The following TOB2 variants were observed in gnomAD, a reference collection of about 807,000 sequenced individuals.
The protein encoded by TOB2 is protein Tob2.
In TOB2, 3 loss-of-function variants were observed where a neutral mutation model predicts 17.3. That is an observed-to-expected ratio of 0.17 (90% confidence interval 0.08 to 0.45). The LOEUF (loss-of-function observed/expected upper bound fraction) is 0.45, where lower values mean the gene tolerates loss of function less well. Ranked by LOEUF, TOB2 falls within the 20% of genes least tolerant of loss-of-function variation. The pLI is 0.99. For missense variants in TOB2, 407 were observed against 445.7 expected, an observed-to-expected ratio of 0.91 and a Z score of 0.78; for synonymous variants, 163 against 185.6, an observed-to-expected ratio of 0.88 and a Z score of 0.99.
Position 41,437,159 on chromosome 22 carries a change from T to G in TOB2, c.187A>C (p.Met63Leu). 1 of 1,614,088 alleles carries G rather than the reference T, an allele frequency of 6.2e-7. No homozygotes were observed. Among genetic ancestry groups the G allele is most frequent in the Non-Finnish European group, 8.5e-7 (1 of 1,180,020 alleles). ...GCCAGCTCCACCACGGGGTCCACCA[T>G]CTCCCCAATGTGAACACAGCGGAAG... ...SGFRCVHIGEMVDPVVELAAK... is the reference protein window; with the variant it reads ...SGFRCVHIGELVDPVVELAAK... The change falls in exon 2 of 2, where the codon ATG (methionine) becomes CTG (leucine). Residue 63 changes from methionine (M) to leucine (L), a missense_variant. Transcript: ENST00000327492.
chr22:41,437,948 CAAAAAAAAAAAAAAA>C (rs35151486), intron 1 of TOB2, among the ~76,000 whole-genome samples: 2 of 44,478 alleles, frequency 4.5e-5, no homozygotes, highest in Admixed American at 9.5e-4. Flanking sequence ...GACTCCATCT[CAAAAAAAAAAAAAAA>C]AAAAAAAAAA....
rs921483808 is a variant in TOB2, at chr22:41,444,494, C to T, written c.-63+1885G>A. Among the ~76,000 whole-genome samples the T allele has an allele frequency of 2.6e-5, 4 of 152,356 alleles. No homozygotes were observed. The South Asian group carries it at 6.2e-4, about 24-fold the overall frequency. On this transcript the variant is annotated intron_variant, in intron 1 of 1. Transcript: ENST00000327492. ...GGGAATTGTAGTCCTCAAACACCTC[C>T]GGACCAGGCGATAGCAGGAGTGACC...
chr22:41,443,188 G>T (rs559787262), intron 1 of TOB2, among the ~76,000 whole-genome samples: 1 of 152,310 alleles, frequency 6.6e-6, no homozygotes, highest in African/African-American at 2.4e-5. Context: ...AAGAAGTGGG[G>T]CGTGAAGCTC....
rs2037523179 is a variant in TOB2 at position 41,434,427 on chromosome 22, C to A, written c.*1884G>T. The A allele has an allele frequency of 6.5e-6, 1 of 153,068 alleles. No individual in the cohort carries two copies. Among genetic ancestry groups the A allele is most frequent in the Non-Finnish European group, 1.5e-5 (1 of 68,460 alleles). 9.5% of individuals were successfully genotyped at this position (153,068 alleles called of 1,614,324 possible). ...GAGAGAAGCTATCTGCTGGGTCTGT[C>A]ACCTGTGTGGGAGCCGAGGATGAGG... On this transcript the variant is annotated 3_prime_UTR_variant, in exon 2 of 2. Coordinates refer to ENST00000327492, the MANE Select transcript of TOB2 (RefSeq NM_016272.4).
At chr22:41,441,035 A>G (rs1220612051) in intron 1 of TOB2, among the ~76,000 whole-genome samples, 1 of 152,128 alleles carries the variant, frequency 6.6e-6, no homozygotes, top group African/African-American at 2.4e-5. Context: ...AGGATAGTAG[A>G]GGCCGGGCAC....
intron 1 of TOB2, among the ~76,000 whole-genome samples, chr22:41,439,138 C>G (rs1307730470): frequency 1.3e-5 from 2 of 152,154 alleles, no homozygotes; most frequent in Non-Finnish European, 2.9e-5. Context: ...AAAAGGGCAG[C>G]TCCGGGGCTC....
rs756177927 is a variant in TOB2, at chr22:41,437,167, A to G, written c.179T>C (p.Ile60Thr). 8 of 1,614,008 alleles carry G rather than the reference A, an allele frequency of 5.0e-6. No individual in the cohort carries two copies. Among genetic ancestry groups the G allele is most frequent in the African/African-American group, 1.3e-5 (1 of 74,906 alleles). The change falls in exon 2 of 2, where the codon ATT becomes ACT. Residue 60 changes from isoleucine (I) to threonine (T), a missense_variant. Coordinates refer to ENST00000327492, the MANE Select transcript of TOB2 (RefSeq NM_016272.4). ...LKGSGFRCVH[I>T]GEMVDPVVEL... Reference sequence around the variant, plus strand: ...CACCACGGGGTCCACCATCTCCCCAATGTGAACACAGCGGAAGCCAGAGCC... The same window carrying G: ...CACCACGGGGTCCACCATCTCCCCAGTGTGAACACAGCGGAAGCCAGAGCC...
rs2037540785 is a variant in TOB2 at position 41,435,933 on chromosome 22, A to C, written c.*378T>G. The stretch of plus-strand genomic sequence containing the variant: ...TATGAGCTTGGACACATCAATCCTA[A>C]ACTAGGAGTGTGAAGGAGGAAGGGA... On this transcript the variant is annotated 3_prime_UTR_variant, in exon 2 of 2. Transcript: ENST00000327492. 1 of 165,936 alleles carries C rather than the reference A, an allele frequency of 6.0e-6. No individual in the cohort carries two copies. 10.3% of individuals were successfully genotyped at this position (165,936 alleles called of 1,614,324 possible). A position where few individuals can be genotyped will look rare whatever the true frequency, so the allele number is the denominator to read the frequency against.
At chr22:41,438,661 A>AAAAAAAG (rs2037581649) in intron 1 of TOB2, among the ~76,000 whole-genome samples, 1 of 144,394 alleles carries the variant, frequency 6.9e-6, no homozygotes, top group African/African-American at 2.6e-5. Flanking sequence ...AAAAAAAAAA[A>AAAAAAAG]GGAATAAGAC....
chr22:41,437,060 G>C lies in TOB2; in HGVS notation c.286C>G (p.Pro96Ala). 1 of 1,614,086 alleles carries C rather than the reference G, an allele frequency of 6.2e-7. No individual in the cohort carries two copies. The highest frequency in any genetic ancestry group is 8.5e-7 in the Non-Finnish European group (1 of 1,180,024). The change falls in exon 2 of 2, where the codon CCC (proline) becomes GCC (alanine). Residue 96 changes from proline to alanine, a missense_variant. By Grantham distance (27) the Pro-to-Ala change is conservative. Coordinates refer to ENST00000327492, the MANE Select transcript of TOB2 (RefSeq NM_016272.4). ...VPEELSVWID[P>A]FEVSYQIGEK... ...CCAATCTGGTAGGACACCTCAAAGGGATCAATCCAGACACTCAGCTCCTCA... is the reference window on the plus strand; with the variant it reads ...CCAATCTGGTAGGACACCTCAAAGGCATCAATCCAGACACTCAGCTCCTCA...
At chr22:41,443,313 C>T (rs1450824161) in intron 1 of TOB2, among the ~76,000 whole-genome samples, 1 of 151,968 alleles carries the variant, frequency 6.6e-6, no homozygotes, top group Non-Finnish European at 1.5e-5. Context: ...ATGTCAGAAG[C>T]GAAGGAAGAT....
At position 41,439,280 on chromosome 22, in the gene TOB2, G is replaced by C. The variant is rs527400458; in HGVS notation, c.-62-1873C>G. ...AAGAGACATGACTGCTCCATGAACT[G>C]TCAAGGGCATCTTCTGTCCTATGAA... is the stretch of plus-strand genomic sequence containing the variant. On this transcript the variant is annotated intron_variant, in intron 1 of 1. Coordinates refer to ENST00000327492, the MANE Select transcript of TOB2 (RefSeq NM_016272.4). Among the ~76,000 whole-genome samples, 11 of 152,330 alleles carry C rather than the reference G, an allele frequency of 7.2e-5. No individual in the cohort carries two copies. In the East Asian group the frequency reaches 2.1e-3, roughly 29 times the overall value.
chr22:41,435,548 A>G lies in TOB2; in HGVS notation c.*763T>C, dbSNP rs2037536068. The G allele has an allele frequency of 1.3e-5, 2 of 152,708 alleles. No homozygotes were observed. The highest frequency in any genetic ancestry group is 4.1e-4 in the South Asian group (2 of 4,830). 9.5% of individuals were successfully genotyped at this position (152,708 alleles called of 1,614,324 possible). On this transcript the variant is annotated 3_prime_UTR_variant, in exon 2 of 2. Coordinates refer to ENST00000327492, the MANE Select transcript of TOB2 (RefSeq NM_016272.4). Reference sequence around the variant, plus strand: ...AAGAAGGGGCTGCATGAGGGAAAGAAAGCCCATACACATCAATGGCCAGGG... The same window carrying G: ...AAGAAGGGGCTGCATGAGGGAAAGAGAGCCCATACACATCAATGGCCAGGG...
chr22:41,445,275 C>T (rs1285869936), intron 1 of TOB2, among the ~76,000 whole-genome samples: 2 of 152,238 alleles, frequency 1.3e-5, no homozygotes, highest in Non-Finnish European at 2.9e-5. Flanking sequence ...GCAAGGTCTG[C>T]TTTACGACCA....
Position 41,437,196 on chromosome 22 carries a change from C to T in TOB2, c.150G>A (p.Leu50=), listed in dbSNP as rs2037563756. 1.2e-6 allele frequency: 2 copies of T among 1,614,078 alleles called. No homozygotes were observed. Among genetic ancestry groups the T allele is most frequent in the African/African-American group, 2.7e-5 (2 of 74,930 alleles). Residue 50 remains leucine, a synonymous_variant, in exon 2 of 2, where the codon CTG becomes CTA. Transcript: ENST00000327492. ...GAACACAGCGGAAGCCAGAGCCTTT[C>T]AGTGGCTTCTCAGGGTACCAGTGGC... is the stretch of plus-strand genomic sequence containing the variant. ...YEGHWYPEKP[L]KGSGFRCVHI... is the part of the protein sequence containing the mutation.
At chr22:41,445,030 G>A (rs202654) in intron 1 of TOB2, among the ~76,000 whole-genome samples, 94,247 of 152,156 alleles carry the variant, frequency 0.62, 32,137 homozygotes, top group Non-Finnish European at 0.79. Flanking sequence ...AGGAAAGGCA[G>A]GAATCAAACC....
Position 41,436,915 on chromosome 22 carries a change from C to A in TOB2, c.431G>T (p.Gly144Val). ...GTTGGACAGGGAGCTGTCCTGGCTGCCAATGGGCACGAACACCTGGGCGTC... is the reference window on the plus strand; with the variant it reads ...GTTGGACAGGGAGCTGTCCTGGCTGACAATGGGCACGAACACCTGGGCGTC... ...NPDAQVFVPI[G>V]SQDSSLSNSP... Residue 144 changes from glycine (G) to valine (V), a missense_variant, in exon 2 of 2, where the codon GGC (glycine) becomes GTC (valine). Physicochemically the swap from Gly to Val is moderately radical, Grantham distance 109 (BLOSUM62 -3). Coordinates refer to ENST00000327492, the MANE Select transcript of TOB2 (RefSeq NM_016272.4). This position sits in a 1 kb window ranked among gnomAD's most constrained non-coding sequence, Gnocchi z 4.8. 2 of 1,614,190 alleles carry A rather than the reference C, an allele frequency of 1.2e-6. No homozygotes were observed. Among genetic ancestry groups the A allele is most frequent in the Non-Finnish European group, 1.7e-6 (2 of 1,180,044 alleles).
At chr22:41,445,959 G>T (rs1328124191) in intron 1 of TOB2, among the ~76,000 whole-genome samples, 1 of 152,160 alleles carries the variant, frequency 6.6e-6, no homozygotes, top group African/African-American at 2.4e-5. Flanking sequence ...CCTGCACACG[G>T]GAAAAGAAGC....
chr22:41,437,483 C>A (rs1391712693), intron 1 of TOB2, 76 bp from the exon 2 acceptor site: 1 of 1,460,660 alleles, frequency 6.8e-7, no homozygotes, highest in South Asian at 1.5e-5. Flanking sequence ...GACAGAAAAG[C>A]ACCAACTTTG....
Sources: gnomAD v4.1 joint callset for allele counts (sites outside exome capture counted in the v4.1 genomes callset) on GRCh38, gnomAD v4.1.1 for gene constraint, Gnocchi (gnomAD v3.1) non-coding constraint, MANE v1.5 for transcripts, NCBI Gene and HGNC (gene_info 2026-07-23, HGNC 2026-07-21) for gene names.